The following OR9Q1 variants were observed in gnomAD, a reference collection of about 807,000 sequenced individuals.
OR9Q1 encodes olfactory receptor family 9 subfamily Q member 1, also known as olfactory receptor 9Q1.
For missense variants in OR9Q1, 374 were observed against 378.8 expected, an observed-to-expected ratio of 0.99 and a Z score of 0.11; for synonymous variants, 153 against 148.6, an observed-to-expected ratio of 1.03 and a Z score of -0.22.
intron 2 of OR9Q1, among the ~76,000 whole-genome samples, chr11:58,112,846 C>G (rs1395690970): frequency 6.6e-6 from 1 of 152,136 alleles, no homozygotes; most frequent in East Asian, 1.9e-4. Context: ...GTTTAGGGAT[C>G]ACTCATTGTG....
intron 2 of OR9Q1, among the ~76,000 whole-genome samples, chr11:58,056,642 A>T (rs1853331188): frequency 6.6e-6 from 1 of 152,236 alleles, no homozygotes; most frequent in Admixed American, 6.5e-5. Context: ...AGAGTTGAGT[A>T]GTTGTGATAG....
intron 2 of OR9Q1, among the ~76,000 whole-genome samples, chr11:58,149,089 G>A (rs1284100778): frequency 6.6e-5 from 10 of 152,082 alleles, no homozygotes; most frequent in Admixed American, 5.9e-4. Flanking sequence ...ATGACAGCAA[G>A]AGCAGCAAAA....
chr11:58,122,317 C>T (rs140540363), intron 2 of OR9Q1, among the ~76,000 whole-genome samples: 267 of 152,276 alleles, frequency 1.8e-3, no homozygotes, highest in African/African-American at 5.7e-3. Context: ...GGTCTGGGGA[C>T]GAGTCAGCTT....
intron 2 of OR9Q1, among the ~76,000 whole-genome samples, chr11:58,108,315 A>G (rs982344989): frequency 1.3e-5 from 2 of 152,202 alleles, no homozygotes; most frequent in African/African-American, 4.8e-5. Flanking sequence ...CAAAGAGTAA[A>G]GTCAGTGTCA....
rs183308308 is a variant in OR9Q1, at chr11:58,101,934, C to T, written c.-15+45987C>T. Reference sequence around the variant, plus strand: ...GCTAATTTTGTATTTTTAGTACAGACGGGGTTTCTTCATGTTGGTGAGGCT... The same window carrying T: ...GCTAATTTTGTATTTTTAGTACAGATGGGGTTTCTTCATGTTGGTGAGGCT... On this transcript the variant is annotated intron_variant, in intron 2 of 2. Transcript: ENST00000335397. 1.6e-3 allele frequency among the ~76,000 whole-genome samples: 251 copies of T among 152,130 alleles called. 1 individual carries two copies. Among genetic ancestry groups the T allele is most frequent in the African/African-American group, 5.6e-3 (231 of 41,512 alleles).
chr11:58,119,403 G>A (rs1378281335), intron 2 of OR9Q1: 2 of 1,613,374 alleles, frequency 1.2e-6, no homozygotes, highest in East Asian at 4.5e-5. Flanking sequence ...TAAAGCCCAT[G>A]AGAATGAATT....
At chr11:58,039,238 C>T (rs1170436485) in intron 1 of OR9Q1, among the ~76,000 whole-genome samples, 1 of 152,210 alleles carries the variant, frequency 6.6e-6, no homozygotes, top group African/African-American at 2.4e-5. Flanking sequence ...ATCCACCCGC[C>T]TTGGCCTCCC....
At chr11:58,114,350 A>G (rs1301308185) in intron 2 of OR9Q1, among the ~76,000 whole-genome samples, 1 of 152,220 alleles carries the variant, frequency 6.6e-6, no homozygotes, top group African/African-American at 2.4e-5. Context: ...GTAATGATAA[A>G]TGAAAGAGAG....
intron 1 of OR9Q1, among the ~76,000 whole-genome samples, chr11:58,037,682 T>A (rs1853116769): frequency 2.8e-4 from 3 of 10,680 alleles, no homozygotes; most frequent in Non-Finnish European, 6.5e-4. Flanking sequence ...TATATATATA[T>A]ATATATATTT....
rs138689158 is a variant in OR9Q1, at chr11:58,040,198, T to C, written c.-92-15672T>C. Among the ~76,000 whole-genome samples the C allele has an allele frequency of 6.1e-3, 932 of 152,334 alleles. 8 individuals carry two copies. The highest frequency in any genetic ancestry group is 0.011 in the Non-Finnish European group (727 of 68,028). On this transcript the variant is annotated intron_variant, in intron 1 of 2. Coordinates refer to ENST00000335397, the MANE Select transcript of OR9Q1 (RefSeq NM_001005212.4). The stretch of plus-strand genomic sequence containing the variant: ...GTTCCCTCTCCTGGCATCAGTTCCC[T>C]TATCTGTAAAAGGACAGAGTGGACT...
At chr11:58,053,986 C>A (rs1590559840) in intron 1 of OR9Q1, among the ~76,000 whole-genome samples, 1 of 151,958 alleles carries the variant, frequency 6.6e-6, no homozygotes, top group Admixed American at 6.6e-5. Flanking sequence ...TCCTTATTTC[C>A]CCTCACCCTC....
chr11:58,037,681 ATATATATATTTTTTTTTTTTTTTTTTTTT>A (rs1853117069), intron 1 of OR9Q1, among the ~76,000 whole-genome samples: 2 of 12,022 alleles, frequency 1.7e-4, no homozygotes, highest in Non-Finnish European at 1.6e-4. Context: ...ATATATATAT[ATATATATATTTTTTTTTTTTTTTTTTTTT>A]TTTTTTTTTT....
chr11:58,147,009 G>A (rs1471934532), intron 2 of OR9Q1, among the ~76,000 whole-genome samples: 1 of 152,194 alleles, frequency 6.6e-6, no homozygotes, highest in African/African-American at 2.4e-5. Flanking sequence ...AGTGTGATGA[G>A]TGGAAAGGAC....
At chr11:58,162,082 C>G (rs918331116) in intron 2 of OR9Q1, among the ~76,000 whole-genome samples, 12 of 152,294 alleles carry the variant, frequency 7.9e-5, no homozygotes, top group Non-Finnish European at 1.5e-4. Context: ...TGTGTGGAAC[C>G]TTTTGATTTA....
At chr11:58,073,619 G>A (rs926827830) in intron 2 of OR9Q1, 1 of 152,360 alleles carries the variant, frequency 6.6e-6, no homozygotes, top group African/African-American at 2.4e-5. Context: ...AAAAATGATA[G>A]CGAAGACTTT....
intron 2 of OR9Q1, among the ~76,000 whole-genome samples, chr11:58,081,239 C>T (rs1183189273): frequency 6.6e-6 from 1 of 152,106 alleles, no homozygotes; most frequent in African/African-American, 2.4e-5. Flanking sequence ...TGGGTTGGTT[C>T]CAAGTCTTTG....
chr11:58,148,888 T>G (rs1194923299), intron 2 of OR9Q1, among the ~76,000 whole-genome samples: 1 of 152,220 alleles, frequency 6.6e-6, no homozygotes, highest in East Asian at 1.9e-4. Flanking sequence ...GAGATCAAGA[T>G]GCTTCATGGA....
At chr11:58,084,058 A>G (rs553521137) in intron 2 of OR9Q1, among the ~76,000 whole-genome samples, 3 of 151,930 alleles carry the variant, frequency 2.0e-5, no homozygotes, top group Non-Finnish European at 4.4e-5. Flanking sequence ...CTGTATGGCC[A>G]CTTTAATGAT....
intron 2 of OR9Q1, among the ~76,000 whole-genome samples, chr11:58,112,631 CT>C (rs1287579057): frequency 6.6e-6 from 1 of 152,172 alleles, no homozygotes; most frequent in African/African-American, 2.4e-5. Flanking sequence ...CATCTGTCAG[CT>C]TTCTCCTGGA....
Sources: allele counts gnomAD v4.1 joint callset (sites outside exome capture counted in the v4.1 genomes callset), GRCh38; gene constraint gnomAD v4.1.1; transcripts MANE v1.5; gene names NCBI Gene and HGNC (gene_info 2026-07-23, HGNC 2026-07-21).